The following MADCAM1 variants were observed in gnomAD, a reference collection of about 807,000 sequenced individuals.
MADCAM1 encodes mucosal vascular addressin cell adhesion molecule 1.
MADCAM1 carries 19 observed loss-of-function variants against 26.1 expected under a neutral mutation model. The observed-to-expected ratio is 0.73, with a 90% CI of 0.51 to 1.07. The LOEUF (loss-of-function observed/expected upper bound fraction) is 1.07. MADCAM1 is among the 50% of genes least tolerant of loss of function. The probability of loss-of-function intolerance (pLI) is 0.00; values close to 1 mark genes in which losing one functional copy is unlikely to be tolerated. For synonymous variants in MADCAM1, 268 were observed against 260.9 expected (o/e 1.03, Z -0.26); for missense variants, 514 against 542.1 (o/e 0.95, Z 0.51).
At chr19:504,247 G>A (rs940431643) in intron 4 of MADCAM1, among the ~76,000 whole-genome samples, 4 of 143,418 alleles carry the variant, frequency 2.8e-5, no homozygotes, top group Non-Finnish European at 4.5e-5. Flanking sequence ...TCCTCTCTCC[G>A]GTCTGCCCTT....
Position 505,079 on chromosome 19 carries a change from G to C in MADCAM1, c.*114G>C. ...TCAAAGTCATCCCTCTGTTCACAGA[G>C]ATGGATGCATGTTCTGATTGCCTCT... On this transcript the variant is annotated 3_prime_UTR_variant, in exon 5 of 5. Transcript: ENST00000215637. 3 of 731,756 alleles carry C rather than the reference G, an allele frequency of 4.1e-6. No homozygotes were observed. The highest frequency in any genetic ancestry group is 6.5e-6 in the Non-Finnish European group (3 of 463,908). The allele number at this position is 731,756 out of a possible 1,614,324, so 45.3% of individuals were successfully genotyped here.
chr19:501,912 A>G lies in MADCAM1; in HGVS notation c.911A>G (p.Glu304Gly). 6.5e-7 allele frequency: 1 copy of G among 1,536,688 alleles called. No homozygotes were observed. Among genetic ancestry groups the G allele is most frequent in the Non-Finnish European group, 8.7e-7 (1 of 1,143,322 alleles). The change falls in exon 4 of 5, where the codon GAA (glutamate) becomes GGA (glycine). Residue 304 changes from glutamate (E) to glycine (G), a missense_variant. Transcript: ENST00000215637. ...TCCCAGGCTGGGCCCACGCAGGGAG[A>G]AGTGATCCCAACAGGCTGTGAGTTC... ...EISQAGPTQG[E>G]VIPTGSSKPA...
intron 4 of MADCAM1, among the ~76,000 whole-genome samples, chr19:502,413 TGCCTCA>T (rs1456560339): frequency 6.6e-6 from 1 of 152,048 alleles, no homozygotes; most frequent in Non-Finnish European, 1.5e-5. Flanking sequence ...GCGATTCTCC[TGCCTCA>T]GCCTCCTGAG....
chr19:503,136 G>C (rs1027429204), intron 4 of MADCAM1, among the ~76,000 whole-genome samples: 5 of 152,192 alleles, frequency 3.3e-5, no homozygotes, highest in East Asian at 3.8e-4. Context: ...TGTAAATCAA[G>C]ACGAGCTTTG....
chr19:504,255 CT>C (rs141972615), intron 4 of MADCAM1, among the ~76,000 whole-genome samples: 60,844 of 87,938 alleles, frequency 0.69, 21,500 homozygotes, highest in Admixed American at 0.77. Context: ...CCGGTCTGCC[CT>C]TTTTTTTTTT....
At position 496,569 on chromosome 19, in the gene MADCAM1, C is replaced by A; in HGVS notation, c.52+18C>A. On this transcript the variant is annotated intron_variant, in intron 1 of 4. Transcript: ENST00000215637. ...CCTCCTCGGTGAGAAGGGGAGGGGGCGCGGGAGAGAGGAGTGAGTTAGGAG... is the reference window on the plus strand; with the variant it reads ...CCTCCTCGGTGAGAAGGGGAGGGGGAGCGGGAGAGAGGAGTGAGTTAGGAG... 8.0e-7 allele frequency: 1 copy of A among 1,253,866 alleles called. No individual in the cohort carries two copies. The highest frequency in any genetic ancestry group is 1.0e-6 in the Non-Finnish European group (1 of 995,978). The allele number at this position is 1,253,866 out of a possible 1,614,324, so 77.7% of individuals were successfully genotyped here. A position where few individuals can be genotyped will look rare whatever the true frequency, so the allele number is the denominator to read the frequency against.
At chr19:502,040 C>A (rs1406721771) in intron 4 of MADCAM1, 111 bp downstream of exon 4, 1 of 1,179,370 alleles carries the variant, frequency 8.5e-7, no homozygotes, top group African/African-American at 1.6e-5. Context: ...GTTTCCCCGT[C>A]TGCCCAGCCT....
At chr19:497,235 A>G in intron 1 of MADCAM1, among the ~76,000 whole-genome samples, 1 of 34,660 alleles carries the variant, frequency 2.9e-5, no homozygotes, top group Admixed American at 3.1e-4. Context: ...AGGAGAGAGG[A>G]GGGGGCGCGG....
chr19:499,384 G>C (rs1600386346), intron 3 of MADCAM1: 1 of 455,928 alleles, frequency 2.2e-6, no homozygotes, highest in East Asian at 6.9e-5. Context: ...TCCCCAACGT[G>C]TACAAACATA....
In MADCAM1 at chr19:499,438, G is replaced by A. The variant is rs1040244925; in HGVS notation, c.667+613G>A. ...TGTACAAACACAGACACACACACGC[G>A]TGCACACAGGCACACACGCACACGC... On this transcript the variant is annotated intron_variant, in intron 3 of 4. Transcript: ENST00000215637. 35 of 417,092 alleles carry A rather than the reference G, an allele frequency of 8.4e-5. No homozygotes were observed. In the East Asian group the frequency reaches 1.3e-3, roughly 15 times the overall value. The allele number at this position is 417,092 out of a possible 1,614,324, so 25.8% of individuals were successfully genotyped here.
chr19:499,745 G>A (rs1029233651), intron 3 of MADCAM1: 3 of 452,658 alleles, frequency 6.6e-6, no homozygotes, highest in Non-Finnish European at 8.9e-6. Context: ...GGGCATAGCA[G>A]GTGCTCAATA....
Position 501,787 on chromosome 19 carries a change from G to A in MADCAM1, c.786G>A (p.Pro262=), listed in dbSNP as rs765325096. The A allele has an allele frequency of 5.2e-5, 81 of 1,571,384 alleles. No homozygotes were observed. The highest frequency in any genetic ancestry group is 3.3e-5 in the Non-Finnish European group (38 of 1,158,930). The change falls in exon 4 of 5, where the codon CCG becomes CCA. Residue 262 remains proline, a synonymous_variant. Transcript: ENST00000215637. ...AGGAGCCTCCCGACACCACCTCCCC[G>A]GAGCCTCCCGACAAGACCTCCCCGG... ...TSQEPPDTTS[P]EPPDKTSPEP...
At chr19:503,607 A>G (rs565429446) in intron 4 of MADCAM1, among the ~76,000 whole-genome samples, 12 of 151,764 alleles carry the variant, frequency 7.9e-5, no homozygotes, top group South Asian at 6.2e-4. Flanking sequence ...AAAAGTAAAA[A>G]TAATGTGGTC....
intron 4 of MADCAM1, among the ~76,000 whole-genome samples, chr19:503,545 C>T (rs1025211419): frequency 6.9e-6 from 1 of 145,288 alleles, no homozygotes; most frequent in Non-Finnish European, 1.5e-5. Flanking sequence ...CGCGCCACTG[C>T]ACTCCAACCT....
rs560481777 is a variant in MADCAM1 at position 503,409 on chromosome 19, G to C, written c.929-1336G>C. Among the ~76,000 whole-genome samples, 6 of 151,370 alleles carry C rather than the reference G, an allele frequency of 4.0e-5. 1 individual carries two copies. The South Asian group carries it at 8.3e-4, about 21-fold the overall frequency. ...ATCCTGGCTAACACGGTGAAACCCC[G>C]TCTCCACTAAAAATACAAAAAATTA... On this transcript the variant is annotated intron_variant, in intron 4 of 4. Transcript: ENST00000215637.
chr19:503,141 G>A (rs866941875), intron 4 of MADCAM1, among the ~76,000 whole-genome samples: 3 of 152,186 alleles, frequency 2.0e-5, no homozygotes. Context: ...ATCAAGACGA[G>A]CTTTGAAGAG....
Position 505,231 on chromosome 19 carries a change from T to C in MADCAM1, c.*266T>C. On this transcript the variant is annotated 3_prime_UTR_variant, in exon 5 of 5. Coordinates refer to ENST00000215637, the MANE Select transcript of MADCAM1 (RefSeq NM_130760.3). Reference sequence around the variant, plus strand: ...CCACGTACTTTTTACATACATTGATTCATGTCTCACGTCTCCCTAAAAATG... The same window carrying C: ...CCACGTACTTTTTACATACATTGATCCATGTCTCACGTCTCCCTAAAAATG... 2.5e-6 allele frequency: 1 copy of C among 401,846 alleles called. No homozygotes were observed. The highest frequency in any genetic ancestry group is 2.0e-5 in the African/African-American group (1 of 49,130). 24.9% of individuals were successfully genotyped at this position (401,846 alleles called of 1,614,324 possible). A position where few individuals can be genotyped will look rare whatever the true frequency, so the allele number is the denominator to read the frequency against.
intron 3 of MADCAM1, chr19:499,940 A>G (rs1978311271): frequency 2.3e-6 from 1 of 443,506 alleles, no homozygotes; most frequent in Admixed American, 2.4e-5. Context: ...GTTTCAAGCA[A>G]AGGGCTCCCG....
chr19:501,977 G>A lies in MADCAM1; in HGVS notation c.928+48G>A, dbSNP rs780157629. 42 of 1,439,600 alleles carry A rather than the reference G, an allele frequency of 2.9e-5. No homozygotes were observed. In the Admixed American group the frequency reaches 8.7e-4, roughly 30 times the overall value. The allele number at this position is 1,439,600 out of a possible 1,614,324, so 89.2% of individuals were successfully genotyped here. A position where few individuals can be genotyped will look rare whatever the true frequency, so the allele number is the denominator to read the frequency against. ...AGGGAGGGTGGGAAGGGCTGAGAGC[G>A]AGAGGTTCCTTGGATGAAGACTTTA... On this transcript the variant is annotated intron_variant, in intron 4 of 4. Transcript: ENST00000215637.
Sources: allele counts gnomAD v4.1 joint callset (sites outside exome capture counted in the v4.1 genomes callset), GRCh38; gene constraint gnomAD v4.1.1; transcripts MANE v1.5; gene names NCBI Gene and HGNC (gene_info 2026-07-23, HGNC 2026-07-21).